The following SAMSN1 variants were observed in gnomAD, a reference collection of about 807,000 sequenced individuals.
SAMSN1 encodes the protein SAM domain, SH3 domain and nuclear localization signals 1.
A neutral mutation model predicts 42.0 loss-of-function variants in SAMSN1; 31 were observed. The ratio of observed to expected loss-of-function variants is 0.74; its 90% CI spans 0.55 to 1.00. The LOEUF is 1.00. Ranked by LOEUF, SAMSN1 falls within the 50% of genes least tolerant of loss-of-function variation. SAMSN1 has a pLI of 0.00. For synonymous variants in SAMSN1, 178 were observed against 151.9 expected (o/e 1.17, Z -1.26); for missense variants, 464 against 439.4 (o/e 1.06, Z -0.50).
At chr21:14,539,964 A>G (rs1287042532) in intron 1 of SAMSN1, among the ~76,000 whole-genome samples, 3 of 152,322 alleles carry the variant, frequency 2.0e-5, no homozygotes, top group East Asian at 1.9e-4. Context: ...AATGGAACAG[A>G]ACAGAGCCCT....
chr21:14,647,822 T>G (rs1332898657), intron 1 of SAMSN1, among the ~76,000 whole-genome samples: 6 of 145,672 alleles, frequency 4.1e-5, no homozygotes, highest in Non-Finnish European at 9.1e-5. Flanking sequence ...CTTGTGATTT[T>G]TGTACATTGA....
Position 14,622,165 on chromosome 21 carries a change from A to C in SAMSN1, c.157-6149T>G, listed in dbSNP as rs1983030559. Reference sequence around the variant, plus strand: ...AGACCAAAGGTAGATAAAACCACAAAGATGGGGTAAAAACAGCAGAAAAGC... The same window carrying C: ...AGACCAAAGGTAGATAAAACCACAACGATGGGGTAAAAACAGCAGAAAAGC... On this transcript the variant is annotated intron_variant, in intron 2 of 15. Coordinates refer to the SAMSN1 transcript ENST00000647101. Among the ~76,000 whole-genome samples, 4 of 152,362 alleles carry C rather than the reference A, an allele frequency of 2.6e-5. No homozygotes were observed. In the South Asian group the frequency reaches 6.2e-4, roughly 24 times the overall value.
At chr21:14,530,605 T>C (rs1357776335) in intron 1 of SAMSN1, among the ~76,000 whole-genome samples, 1 of 152,228 alleles carries the variant, frequency 6.6e-6, no homozygotes, top group Non-Finnish European at 1.5e-5. Context: ...AACTATCTCT[T>C]GAAACTAAAA....
chr21:14,574,507 A>G (rs989938), intron 2 of SAMSN1, among the ~76,000 whole-genome samples: 50,128 of 152,032 alleles, frequency 0.33, 10,769 homozygotes, highest in African/African-American at 0.62. Context: ...CTTGGTTTCC[A>G]TAACAATTCT....
intron 2 of SAMSN1, among the ~76,000 whole-genome samples, chr21:14,559,347 G>A (rs1056121274): frequency 1.3e-5 from 2 of 152,102 alleles, no homozygotes; most frequent in Admixed American, 1.3e-4. Context: ...ACCTTACCAA[G>A]GCAGCAATGG....
upstream of SAMSN1, among the ~76,000 whole-genome samples, chr21:14,587,366 TC>T (rs978296381): frequency 1.3e-5 from 2 of 152,176 alleles, no homozygotes; most frequent in Non-Finnish European, 2.9e-5. Context: ...ATTCTTAAAC[TC>T]CTTTACTATT....
chr21:14,546,412 C>G, upstream of SAMSN1: 1 of 1,301,526 alleles, frequency 7.7e-7, no homozygotes, highest in Non-Finnish European at 1.0e-6. Flanking sequence ...ATGACTTCAA[C>G]ATTTACATGG....
At chr21:14,488,021 C>T (rs1234432458) in intron 7 of SAMSN1, among the ~76,000 whole-genome samples, 2 of 151,966 alleles carry the variant, frequency 1.3e-5, no homozygotes, top group Admixed American at 6.6e-5. Context: ...GAAAAGGCAG[C>T]ACTAAAATGG....
At chr21:14,497,683 T>C (rs1404768889) in intron 7 of SAMSN1, among the ~76,000 whole-genome samples, 1 of 152,202 alleles carries the variant, frequency 6.6e-6, no homozygotes, top group Admixed American at 6.5e-5. Context: ...TTCCTTTTTA[T>C]CTTTAAAGTT....
At position 14,498,452 on chromosome 21, in the gene SAMSN1, A is replaced by C. The variant is rs1986999669; in HGVS notation, c.909T>G (p.Leu303=). The change falls in exon 7 of 8, where the codon CTT becomes CTG. Residue 303 remains leucine, a synonymous_variant. Transcript: ENST00000400566. ...GGTGTACACACTTACTTTCTTCTTCAAGGAAGTTTTCAGCAGCTGATAGTA... is the reference window on the plus strand; with the variant it reads ...GGTGTACACACTTACTTTCTTCTTCCAGGAAGTTTTCAGCAGCTGATAGTA... The part of the protein sequence containing the change: ...RRLLSAAENF[L]EEEIIQEQEN... 1 of 1,609,996 alleles carries C rather than the reference A, an allele frequency of 6.2e-7. No individual in the cohort carries two copies. The highest frequency in any genetic ancestry group is 1.3e-5 in the African/African-American group (1 of 74,470).
At chr21:14,496,252 T>C (rs1325208973) in intron 7 of SAMSN1, 3 of 152,226 alleles carry the variant, frequency 2.0e-5, no homozygotes, top group African/African-American at 7.2e-5. Flanking sequence ...ATTGCTTTCA[T>C]ATTGGCCAAT....
At chr21:14,622,152 G>C (rs1001984172) in intron 2 of SAMSN1, among the ~76,000 whole-genome samples, 2 of 152,234 alleles carry the variant, frequency 1.3e-5, no homozygotes, top group African/African-American at 4.8e-5. Context: ...ACCAAAGGTA[G>C]ATAAAACCAC....
chr21:14,605,139 G>C (rs1376517532), intron 5 of SAMSN1, among the ~76,000 whole-genome samples: 1 of 152,180 alleles, frequency 6.6e-6, no homozygotes, highest in Admixed American at 6.5e-5. Context: ...TTTCTAATCA[G>C]CTTTTAGGTT....
At chr21:14,541,220 T>C (rs1980005875) in intron 1 of SAMSN1, among the ~76,000 whole-genome samples, 1 of 151,944 alleles carries the variant, frequency 6.6e-6, no homozygotes, top group South Asian at 2.1e-4. Flanking sequence ...ACATGGCACA[T>C]GTATACATAT....
intron 2 of SAMSN1, among the ~76,000 whole-genome samples, chr21:14,518,150 C>A (rs8134290): frequency 7.6e-4 from 115 of 152,282 alleles, no homozygotes; most frequent in Non-Finnish European, 1.3e-3. Context: ...TTCCTTCAGT[C>A]GTCCAGGTTT....
intron 2 of SAMSN1, among the ~76,000 whole-genome samples, chr21:14,623,682 C>A (rs768497669): frequency 5.9e-5 from 9 of 152,172 alleles, no homozygotes; most frequent in Non-Finnish European, 5.9e-5. Flanking sequence ...TAATGGGAGA[C>A]TTTAACACCT....
At chr21:14,599,023 C>G (rs1025700776) in intron 6 of SAMSN1, among the ~76,000 whole-genome samples, 1 of 152,124 alleles carries the variant, frequency 6.6e-6, no homozygotes, top group Non-Finnish European at 1.5e-5. Context: ...TCTTCCAAGA[C>G]CATACCTAAG....
In SAMSN1 at chr21:14,540,680, T is replaced by G. The variant is rs1363815990; in HGVS notation, c.57+5525A>C. 7.2e-5 allele frequency among the ~76,000 whole-genome samples: 11 copies of G among 152,226 alleles called. No individual in the cohort carries two copies. In the East Asian group the frequency reaches 2.1e-3, roughly 29 times the overall value. The stretch of plus-strand genomic sequence containing the variant: ...AGAAATAGGAACACATTTACACTGT[T>G]GGTGGGACTGTAAACTAGTTCAACC... On this transcript the variant is annotated intron_variant, in intron 1 of 7. Transcript: ENST00000400566.
chr21:14,580,858 C>A (rs1981684896), intron 2 of SAMSN1, among the ~76,000 whole-genome samples: 1 of 152,034 alleles, frequency 6.6e-6, no homozygotes, highest in Non-Finnish European at 1.5e-5. Context: ...CCTGGATACA[C>A]AGAATTGTCC....
Sources: gnomAD v4.1 joint callset for allele counts (sites outside exome capture counted in the v4.1 genomes callset) on GRCh38, gnomAD v4.1.1 for gene constraint, MANE v1.5 for transcripts, NCBI Gene and HGNC (gene_info 2026-07-23, HGNC 2026-07-21) for gene names.